The following NTRK1 variants were observed in gnomAD, a reference collection of about 807,000 sequenced individuals.
NTRK1 encodes the protein neurotrophic receptor tyrosine kinase 1, also known as high affinity nerve growth factor receptor.
NTRK1 carries 62 observed loss-of-function variants against 86.8 expected under a neutral mutation model. That is an observed-to-expected ratio of 0.71 (90% CI 0.58 to 0.88). The LOEUF is 0.88. Ranked by LOEUF, NTRK1 falls within the 40% of genes least tolerant of loss-of-function variation. NTRK1 has a pLI of 0.00. For missense variants in NTRK1, 967 were observed against 1,078.4 expected, an observed-to-expected ratio of 0.90 and a Z score of 1.45; for synonymous variants, 469 against 456.6, an observed-to-expected ratio of 1.03 and a Z score of -0.35.
intron 7 of NTRK1, among the ~76,000 whole-genome samples, chr1:156,871,980 C>T (rs1333970477): frequency 6.6e-6 from 1 of 152,126 alleles, no homozygotes; most frequent in African/African-American, 2.4e-5. Context: ...GCCCCCTGCC[C>T]GAGCCTTGCT....
intron 2 of NTRK1, chr1:156,844,659 G>C (rs748909306): frequency 6.2e-6 from 10 of 1,613,794 alleles, no homozygotes; most frequent in Non-Finnish European, 8.5e-6. Flanking sequence ...CTGGGAAGGC[G>C]ATGTAGGCAC....
At chr1:156,838,302 G>C (rs753041236) in intron 1 of NTRK1, among the ~76,000 whole-genome samples, 1 of 151,654 alleles carries the variant, frequency 6.6e-6, no homozygotes, top group Non-Finnish European at 1.5e-5. Context: ...AGGCCACAGG[G>C]ACAGTTTTGA....
chr1:156,848,537 G>A (rs1003778272), intron 2 of NTRK1, among the ~76,000 whole-genome samples: 4 of 152,212 alleles, frequency 2.6e-5, no homozygotes, highest in African/African-American at 9.6e-5. Context: ...TAAATGAAAT[G>A]CTGGCAGAGC....
In NTRK1 at chr1:156,854,164, G is replaced by C. The variant is rs1179810474; in HGVS notation, c.51-10190G>C. 2.5e-6 allele frequency: 4 copies of C among 1,614,024 alleles called. No individual in the cohort carries two copies. The African/African-American group carries it at 5.3e-5, about 22-fold the overall frequency. On this transcript the variant is annotated intron_variant, in intron 2 of 16. Coordinates refer to the NTRK1 transcript ENST00000392302. This position sits in a 1 kb window ranked among gnomAD's most constrained non-coding sequence, Gnocchi z 4.2. Reference sequence around the variant, plus strand: ...GCAGGTAGTCGGTGACCTGGGTGAGGCGAGGGAAGCTGAGGCCGCGGAAGT... The same window carrying C: ...GCAGGTAGTCGGTGACCTGGGTGAGCCGAGGGAAGCTGAGGCCGCGGAAGT...
At chr1:156,853,615 AC>A in intron 2 of NTRK1, 1 of 899,334 alleles carries the variant, frequency 1.1e-6, no homozygotes, top group African/African-American at 1.7e-5. Context: ...TAGTTTCCTT[AC>A]CTGCCTCATA....
intron 4 of NTRK1, among the ~76,000 whole-genome samples, chr1:156,867,561 T>C (rs77444265): frequency 0.053 from 8,096 of 152,304 alleles, 447 homozygotes; most frequent in African/African-American, 0.13. Flanking sequence ...CTTGAACTCC[T>C]GGGCTCAAGC....
intron 12 of NTRK1, 35 bp from the exon 13 acceptor site, chr1:156,876,045 C>G (rs2102916894): frequency 8.7e-6 from 14 of 1,614,142 alleles, no homozygotes; most frequent in Non-Finnish European, 1.2e-5. Context: ...CCTCCCAAGA[C>G]TGGGGCTACC....
Position 156,880,019 on chromosome 1 carries a change from G to A in NTRK1, c.2067G>A (p.Leu689=), listed in dbSNP as rs1057521447. The change falls in exon 16 of 17, where the codon CTG becomes CTA. Residue 689 remains leucine, a synonymous_variant. Coordinates refer to ENST00000524377, the MANE Select transcript of NTRK1 (RefSeq NM_002529.4). ...DYYRVGGRTM[L]PIRWMPPESI... ...GGCAGGTGGGAGGCCGCACCATGCT[G>A]CCCATTCGCTGGATGCCGCCCGAGA... The A allele has an allele frequency of 1.2e-5, 20 of 1,613,232 alleles. No individual in the cohort carries two copies. Among genetic ancestry groups the A allele is most frequent in the Non-Finnish European group, 1.6e-5 (19 of 1,179,988 alleles).
chr1:156,854,342 A>G lies in NTRK1; in HGVS notation c.51-10012A>G, dbSNP rs1655338552. On this transcript the variant is annotated intron_variant, in intron 2 of 16. Transcript: ENST00000392302. The surrounding 1 kb of genome is among the most constrained non-coding windows in gnomAD (Gnocchi z 4.2). ...CGGCACGCAGCATTGAGTACAGCCCAGGCCAAATTCCCCATCCAGCCCTGG... is the reference window on the plus strand; with the variant it reads ...CGGCACGCAGCATTGAGTACAGCCCGGGCCAAATTCCCCATCCAGCCCTGG... 6.4e-7 allele frequency: 1 copy of G among 1,550,450 alleles called. No homozygotes were observed. The highest frequency in any genetic ancestry group is 1.4e-5 in the African/African-American group (1 of 74,032).
intron 1 of NTRK1, among the ~76,000 whole-genome samples, chr1:156,862,018 A>G (rs1014967194): frequency 4.6e-5 from 7 of 152,204 alleles, no homozygotes; most frequent in African/African-American, 1.7e-4. Context: ...ATACTTGAAT[A>G]TTACATATGG....
intron 1 of NTRK1, chr1:156,816,787 A>C (rs1653990875): frequency 7.5e-7 from 1 of 1,339,460 alleles, no homozygotes; most frequent in African/African-American, 1.5e-5. Flanking sequence ...GCAACTCATC[A>C]TCTCTCCTCT....
At chr1:156,827,482 G>A (rs901574743) in intron 1 of NTRK1, among the ~76,000 whole-genome samples, 1 of 152,022 alleles carries the variant, frequency 6.6e-6, no homozygotes, top group East Asian at 1.9e-4. Context: ...GCCTAGTCTC[G>A]AACTCTTGAC....
upstream of NTRK1, among the ~76,000 whole-genome samples, chr1:156,857,041 C>A (rs1571676511): frequency 6.6e-6 from 1 of 152,082 alleles, no homozygotes; most frequent in African/African-American, 2.4e-5. Flanking sequence ...GCTATCCAGG[C>A]CCCATTCCTG....
At chr1:156,845,552 C>T (rs893619882) in intron 2 of NTRK1, 5 of 1,325,300 alleles carry the variant, frequency 3.8e-6, no homozygotes, top group Admixed American at 5.0e-5. Context: ...CCCCACCCCT[C>T]CCGCAAGACC....
chr1:156,843,773 C>T (rs1654887489), intron 2 of NTRK1, among the ~76,000 whole-genome samples: 1 of 152,196 alleles, frequency 6.6e-6, no homozygotes, highest in Admixed American at 6.5e-5. Flanking sequence ...TGCAGTCAGC[C>T]CTGGAAGGAT....
In NTRK1 at chr1:156,854,422, C is replaced by T; in HGVS notation, c.51-9932C>T. ...AGGACAATGAGTGAGGAGCCGGGCT[C>T]TGCTCTGGGTGTGGGGTGGCCTCCT... On this transcript the variant is annotated intron_variant, in intron 2 of 16. Transcript: ENST00000392302. This position sits in a 1 kb window ranked among gnomAD's most constrained non-coding sequence, Gnocchi z 4.2. The T allele has an allele frequency of 9.0e-7, 1 of 1,106,542 alleles. No individual in the cohort carries two copies. The highest frequency in any genetic ancestry group is 1.3e-6 in the Non-Finnish European group (1 of 789,072). The allele number at this position is 1,106,542 out of a possible 1,614,324, so 68.5% of individuals were successfully genotyped here. A position where few individuals can be genotyped will look rare whatever the true frequency, so the allele number is the denominator to read the frequency against.
Position 156,827,763 on chromosome 1 carries a change from G to T in NTRK1, c.-64+11925G>T, listed in dbSNP as rs80084199. ...CAAAAGAAGTGAAATAGAAGTGAGA[G>T]ACTATGAACCTGAAATGGTCAGCTT... On this transcript the variant is annotated intron_variant, in intron 1 of 16. Transcript: ENST00000392302. Among the ~76,000 whole-genome samples the T allele has an allele frequency of 4.4e-3, 673 of 152,206 alleles. 7 individuals carry two copies. The highest frequency in any genetic ancestry group is 0.016 in the African/African-American group (646 of 41,508).
chr1:156,849,510 TG>T (rs759447064), intron 2 of NTRK1: 19 of 288,446 alleles, frequency 6.6e-5, no homozygotes, highest in South Asian at 4.7e-4. Flanking sequence ...GGGCAGGGGG[TG>T]GGAAAGGGGA....
At chr1:156,821,631 C>G (rs1654194958) in intron 1 of NTRK1, among the ~76,000 whole-genome samples, 1 of 151,992 alleles carries the variant, frequency 6.6e-6, no homozygotes. Context: ...AGAAGTGCAG[C>G]AAAAAACAGA....
Sources: allele counts gnomAD v4.1 joint callset (sites outside exome capture counted in the v4.1 genomes callset), GRCh38; gene constraint gnomAD v4.1.1; non-coding constraint Gnocchi (gnomAD v3.1); transcripts MANE v1.5; gene names NCBI Gene and HGNC (gene_info 2026-07-23, HGNC 2026-07-21).